Variants in MAGI3 observed in about 807,000 individuals in gnomAD.
The protein encoded by MAGI3 is membrane-associated guanylate kinase, WW and PDZ domain-containing protein 3.
In MAGI3, 43 loss-of-function variants were observed where a neutral mutation model predicts 121.8. That is an observed-to-expected ratio of 0.35 (90% confidence interval 0.28 to 0.46). MAGI3 has a LOEUF of 0.46. Among genes scored for constraint, MAGI3 ranks in the 20% least tolerant of loss-of-function variants. MAGI3 has a pLI of 1.00. For synonymous variants in MAGI3, 553 were observed against 639.3 expected (o/e 0.86, Z 2.04); for missense variants, 1,547 against 1,797.3 (o/e 0.86, Z 2.52).
rs75670350 is a variant in MAGI3 at position 113,617,416 on chromosome 1, G to A, written c.1077-2320G>A. On this transcript the variant is annotated intron_variant, in intron 7 of 20. Coordinates refer to ENST00000307546, the MANE Select transcript of MAGI3 (RefSeq NM_001142782.2). ...TGTCTTAATAATAGTGTAGGTATAA[G>A]TAATTAAATGAAAAGGACAGTATTT... 9.6e-3 allele frequency among the ~76,000 whole-genome samples: 1,462 copies of A among 152,258 alleles called. 30 individuals carry two copies. The highest frequency in any genetic ancestry group is 0.033 in the African/African-American group (1,364 of 41,536).
intron 9 of MAGI3, among the ~76,000 whole-genome samples, chr1:113,626,341 A>C (rs151324138): frequency 9.1e-4 from 138 of 152,274 alleles, no homozygotes; most frequent in African/African-American, 3.3e-3. Flanking sequence ...TGTTCTTTTT[A>C]ATGTATTGTC....
intron 1 of MAGI3, among the ~76,000 whole-genome samples, chr1:113,519,035 A>T (rs1041966649): frequency 6.6e-5 from 10 of 152,148 alleles, no homozygotes; most frequent in African/African-American, 2.4e-4. Flanking sequence ...GGGAAATAAA[A>T]GGGGGTACTG....
chr1:113,532,474 A>G (rs1658773901), intron 1 of MAGI3, among the ~76,000 whole-genome samples: 2 of 152,188 alleles, frequency 1.3e-5, no homozygotes, highest in South Asian at 4.1e-4. Context: ...AAGTGTAAAG[A>G]CAGAGCATAG....
At position 113,391,338 on chromosome 1, in the gene MAGI3, C is replaced by T; in HGVS notation, c.305C>T (p.Thr102Ile). The change falls in exon 1 of 21, where the codon ACT becomes ATT. Residue 102 changes from threonine (T) to isoleucine (I), a missense_variant. Thr to Ile is a moderately conservative substitution (Grantham distance 89, BLOSUM62 -1). Coordinates refer to ENST00000307546, the MANE Select transcript of MAGI3 (RefSeq NM_001142782.2). This position sits in a 1 kb window ranked among gnomAD's most constrained non-coding sequence, Gnocchi z 4.4. ...RHFREPIRLKTVKPGKVINKD... is the reference protein window; with the variant it reads ...RHFREPIRLKIVKPGKVINKD... Reference sequence around the variant, plus strand: ...TTCCGCGAGCCCATCCGTCTCAAGACTGTGAAACCAGGTACGCCGGCCCTG... The same window carrying T: ...TTCCGCGAGCCCATCCGTCTCAAGATTGTGAAACCAGGTACGCCGGCCCTG... The T allele has an allele frequency of 6.3e-7, 1 of 1,596,336 alleles. No individual in the cohort carries two copies. Among genetic ancestry groups the T allele is most frequent in the South Asian group, 1.1e-5 (1 of 88,068 alleles).
chr1:113,574,095 T>C (rs1049456171), intron 2 of MAGI3, among the ~76,000 whole-genome samples: 1 of 152,158 alleles, frequency 6.6e-6, no homozygotes, highest in African/African-American at 2.4e-5. Flanking sequence ...TCTTTGCACA[T>C]GAGATGGGTC....
intron 6 of MAGI3, among the ~76,000 whole-genome samples, chr1:113,602,771 C>T (rs569253400): frequency 1.3e-5 from 2 of 152,106 alleles, no homozygotes; most frequent in East Asian, 3.9e-4. Flanking sequence ...ACAAAAAATA[C>T]ACAAATTAAC....
rs1213366228 is a variant in MAGI3, at chr1:113,651,064, G to T, written c.2298G>T (p.Arg766=). ...IPLGAAEKDG[R]LRAADELMCI... is the part of the protein sequence containing the mutation. ...TGGGAGCAGCTGAGAAAGATGGTCG[G>T]CTCCGCGCAGCTGATGAACTAATGT... Residue 766 remains arginine (R), a synonymous_variant, in exon 14 of 21, where the codon CGG becomes CGT. Transcript: ENST00000307546. 11 of 1,614,078 alleles carry T rather than the reference G, an allele frequency of 6.8e-6. No individual in the cohort carries two copies. Among genetic ancestry groups the T allele is most frequent in the Non-Finnish European group, 8.5e-6 (10 of 1,179,998 alleles).
At chr1:113,436,911 T>A (rs1653595030) in intron 1 of MAGI3, among the ~76,000 whole-genome samples, 2 of 149,820 alleles carry the variant, frequency 1.3e-5, no homozygotes, top group African/African-American at 4.9e-5. Flanking sequence ...GCCTCCCAGG[T>A]TCAGGCAATT....
At chr1:113,554,348 G>A (rs1659901870) in intron 2 of MAGI3, among the ~76,000 whole-genome samples, 1 of 152,034 alleles carries the variant, frequency 6.6e-6, no homozygotes, top group Admixed American at 6.6e-5. Flanking sequence ...GACTCAACAG[G>A]AGATTCAAAA....
rs191261258 is a variant in MAGI3 at position 113,515,286 on chromosome 1, G to T, written c.317-34229G>T. ...TATTGAGTTTTGTGATTTGACATTTGTTGTATTGGAATCTGATCTGTAAAC... is the reference window on the plus strand; with the variant it reads ...TATTGAGTTTTGTGATTTGACATTTTTTGTATTGGAATCTGATCTGTAAAC... On this transcript the variant is annotated intron_variant, in intron 1 of 20. Coordinates refer to ENST00000307546, the MANE Select transcript of MAGI3 (RefSeq NM_001142782.2). Among the ~76,000 whole-genome samples, 25 of 152,128 alleles carry T rather than the reference G, an allele frequency of 1.6e-4. No individual in the cohort carries two copies. The East Asian group carries it at 3.9e-3, about 24-fold the overall frequency.
intron 1 of MAGI3, among the ~76,000 whole-genome samples, chr1:113,475,864 T>C (rs1570730263): frequency 6.6e-6 from 1 of 152,326 alleles, no homozygotes; most frequent in East Asian, 1.9e-4. Flanking sequence ...TTCTGGACTT[T>C]TTTTGGTTGG....
intron 19 of MAGI3, among the ~76,000 whole-genome samples, chr1:113,675,367 G>A (rs1241735512): frequency 3.3e-5 from 5 of 152,186 alleles, no homozygotes; most frequent in African/African-American, 1.2e-4. Context: ...GAAGGAAAAG[G>A]AAGAGTAAAG....
intron 1 of MAGI3, among the ~76,000 whole-genome samples, chr1:113,492,806 A>G (rs1464382616): frequency 9.2e-5 from 14 of 152,138 alleles, no homozygotes. Context: ...TTGCCACAAA[A>G]AGAATAAATA....
intron 1 of MAGI3, among the ~76,000 whole-genome samples, chr1:113,530,146 G>A (rs983563809): frequency 1.3e-5 from 2 of 151,902 alleles, no homozygotes; most frequent in Non-Finnish European, 2.9e-5. Flanking sequence ...CAATATAAAT[G>A]TCCATTTCCT....
chr1:113,436,038 A>G (rs977776321), intron 1 of MAGI3, among the ~76,000 whole-genome samples: 2 of 145,810 alleles, frequency 1.4e-5, no homozygotes, highest in East Asian at 3.2e-4. Context: ...AAACATGAAT[A>G]CAAACATGTG....
At chr1:113,575,529 C>T (rs1296560151) in intron 2 of MAGI3, among the ~76,000 whole-genome samples, 1 of 152,226 alleles carries the variant, frequency 6.6e-6, no homozygotes, top group Admixed American at 6.5e-5. Context: ...GGCTGCAGAA[C>T]AGCAAAGATT....
intron 6 of MAGI3, among the ~76,000 whole-genome samples, chr1:113,610,839 C>G (rs919237013): frequency 6.6e-6 from 1 of 151,980 alleles, no homozygotes; most frequent in African/African-American, 2.4e-5. Context: ...GAGACTGAGG[C>G]AGGGGAATCA....
intron 1 of MAGI3, among the ~76,000 whole-genome samples, chr1:113,530,219 G>A (rs1658639290): frequency 6.6e-6 from 1 of 151,202 alleles, no homozygotes. Flanking sequence ...TTAAATAACA[G>A]TTTTAAAGCT....
chr1:113,542,897 C>T (rs955535295), intron 1 of MAGI3, among the ~76,000 whole-genome samples: 1 of 152,212 alleles, frequency 6.6e-6, no homozygotes, highest in African/African-American at 2.4e-5. Context: ...CCAGGTCTGT[C>T]ACTTACTAGC....
Sources: gnomAD v4.1 joint callset for allele counts (sites outside exome capture counted in the v4.1 genomes callset) on GRCh38, gnomAD v4.1.1 for gene constraint, Gnocchi (gnomAD v3.1) non-coding constraint, MANE v1.5 for transcripts, NCBI Gene and HGNC (gene_info 2026-07-23, HGNC 2026-07-21) for gene names.